KIAA0513: variants seen among roughly 807,000 people sequenced by gnomAD.
KIAA0513 encodes the protein KIAA0513.
A neutral mutation model predicts 56.5 loss-of-function variants in KIAA0513; 39 were observed. The ratio of observed to expected loss-of-function variants is 0.69; its 90% CI spans 0.53 to 0.90. The LOEUF is 0.90. KIAA0513 is among the 40% of genes least tolerant of loss of function. KIAA0513 has a pLI of 0.00. For missense variants in KIAA0513, 591 were observed against 535.2 expected (o/e 1.10, Z -1.03); for synonymous variants, 268 against 215.6 (o/e 1.24, Z -2.13).
At chr16:85,048,485 A>G (rs1567526252) in intron 1 of KIAA0513, among the ~76,000 whole-genome samples, 1 of 150,146 alleles carries the variant, frequency 6.7e-6, no homozygotes. Flanking sequence ...CTCAAAGCAG[A>G]TCTCTCTCTC....
In KIAA0513 at chr16:85,050,579, G is replaced by C. The variant is rs571462247; in HGVS notation, c.-172-16321G>C. Among the ~76,000 whole-genome samples the C allele has an allele frequency of 4.6e-5, 7 of 152,306 alleles. No individual in the cohort carries two copies. The South Asian group carries it at 1.4e-3, about 32-fold the overall frequency. On this transcript the variant is annotated intron_variant, in intron 1 of 12. Transcript: ENST00000683363. ...GATCCCCCTGCCTCGGCTTCCCAAA[G>C]TGCTAGGATTACAGGCGTGAGCCGC...
At chr16:85,047,448 G>T (rs147939090) in intron 1 of KIAA0513, among the ~76,000 whole-genome samples, 1 of 152,248 alleles carries the variant, frequency 6.6e-6, no homozygotes, top group South Asian at 2.1e-4. Flanking sequence ...GCTCTGCCAC[G>T]CTTCTCCCGT....
chr16:85,087,477 C>A (rs1051509019), intron 12 of KIAA0513, among the ~76,000 whole-genome samples: 15 of 152,208 alleles, frequency 9.9e-5, no homozygotes. Context: ...TTGCACGGAG[C>A]CAAACTCTGG....
At chr16:85,054,437 T>TTTG (rs1567529579) in intron 1 of KIAA0513, among the ~76,000 whole-genome samples, 21 of 141,822 alleles carry the variant, frequency 1.5e-4, no homozygotes, top group East Asian at 4.0e-4. Flanking sequence ...TTTTTTTTTT[T>TTTG]TTGTTGTTGT....
intron 2 of KIAA0513, among the ~76,000 whole-genome samples, chr16:85,069,494 G>A (rs1267825049): frequency 1.3e-5 from 2 of 152,042 alleles, no homozygotes; most frequent in Non-Finnish European, 2.9e-5. Flanking sequence ...GGGAGAGTTC[G>A]GGGCTGTGAC....
At chr16:85,082,379 G>A (rs1597645855) in intron 9 of KIAA0513, among the ~76,000 whole-genome samples, 185 bp from the exon 10 acceptor site, 2 of 152,034 alleles carry the variant, frequency 1.3e-5, no homozygotes, top group African/African-American at 4.8e-5. Flanking sequence ...CTAGGCAGAG[G>A]GGCGTTGCCT....
rs1472504201 is a variant in KIAA0513, at chr16:85,081,384, C to T, written c.972C>T (p.Pro324=). 3.2e-6 allele frequency: 5 copies of T among 1,566,668 alleles called. No homozygotes were observed. In the South Asian group the frequency reaches 4.7e-5, roughly 15 times the overall value. ...ATTGTGAGAGGACAAAGCGATCTCC[C>T]ACTACCAGGTAGGAGCAAAGTGTGG... ...AVHCERTKRS[P]TTRGDAGEEE... Residue 324 remains proline (P), a synonymous_variant, in exon 9 of 13, where the codon CCC becomes CCT. Coordinates refer to ENST00000683363, the MANE Select transcript of KIAA0513 (RefSeq NM_001388359.1). The surrounding 1 kb of genome is among the most constrained non-coding windows in gnomAD (Gnocchi z 4.4).
chr16:85,067,137 T>A lies in KIAA0513; in HGVS notation c.66T>A (p.Ser22=). The change falls in exon 2 of 13, where the codon TCT becomes TCA. Residue 22 remains serine, a synonymous_variant. Coordinates refer to ENST00000683363, the MANE Select transcript of KIAA0513 (RefSeq NM_001388359.1). ...TTGGGCCTGAGGCACCCACCTCTTC[T>A]CCCCTGGAGGCACCACCCCCTGTGC... ...IDFGPEAPTS[S]PLEAPPPVLQ... is the part of the protein sequence containing the mutation. The A allele has an allele frequency of 1.9e-6, 3 of 1,613,222 alleles. No individual in the cohort carries two copies. The highest frequency in any genetic ancestry group is 2.5e-6 in the Non-Finnish European group (3 of 1,179,472).
chr16:85,061,406 G>A (rs367594113), intron 1 of KIAA0513, among the ~76,000 whole-genome samples: 111 of 152,276 alleles, frequency 7.3e-4, no homozygotes, highest in Non-Finnish European at 1.0e-3. Context: ...TTCCTTGCCC[G>A]GTCTCTTCCT....
chr16:85,058,283 C>T (rs189952976), intron 1 of KIAA0513, among the ~76,000 whole-genome samples: 248 of 152,296 alleles, frequency 1.6e-3, no homozygotes, highest in African/African-American at 5.4e-3. Flanking sequence ...CACCTAGTAG[C>T]GGGATCCAGC....
At chr16:85,037,323 G>A (rs1046138915) in intron 1 of KIAA0513, among the ~76,000 whole-genome samples, 20 of 152,246 alleles carry the variant, frequency 1.3e-4, no homozygotes, top group African/African-American at 3.6e-4. Context: ...GAGTCAGTGC[G>A]TGTGGACGGC....
At chr16:85,075,779 T>A in intron 4 of KIAA0513, 65 bp from the exon 5 acceptor site, 1 of 1,454,116 alleles carries the variant, frequency 6.9e-7, no homozygotes, top group Non-Finnish European at 9.7e-7. Flanking sequence ...CAGTGATGTC[T>A]GACCGACTTG....
intron 4 of KIAA0513, among the ~76,000 whole-genome samples, chr16:85,073,962 G>GT (rs71151265): frequency 2.0e-5 from 3 of 150,562 alleles, no homozygotes; most frequent in South Asian, 2.1e-4. Context: ...TTTTTGTTTT[G>GT]TTTTGTTTTT....
intron 1 of KIAA0513, among the ~76,000 whole-genome samples, chr16:85,032,570 T>C (rs1221189266): frequency 6.6e-6 from 1 of 152,146 alleles, no homozygotes; most frequent in Non-Finnish European, 1.5e-5. Flanking sequence ...TGACCTCAAG[T>C]GATCCTCCTG....
intron 1 of KIAA0513, among the ~76,000 whole-genome samples, chr16:85,062,572 C>A (rs545284849): frequency 2.2e-4 from 34 of 152,230 alleles, no homozygotes; most frequent in Middle Eastern, 3.4e-3. Flanking sequence ...TCAGTACCTC[C>A]TTGAATGTAG....
chr16:85,055,027 G>A (rs1440121873), intron 1 of KIAA0513, among the ~76,000 whole-genome samples: 1 of 151,390 alleles, frequency 6.6e-6, no homozygotes, highest in Admixed American at 6.6e-5. Flanking sequence ...GACTCAAGCA[G>A]TCCTCCCACC....
chr16:85,049,831 G>A (rs1312139586), intron 1 of KIAA0513, among the ~76,000 whole-genome samples: 2 of 152,146 alleles, frequency 1.3e-5, no homozygotes, highest in African/African-American at 4.8e-5. Flanking sequence ...ACATTCATAA[G>A]GCCCGAGTCC....
At chr16:85,083,896 T>C (rs751701386) in intron 10 of KIAA0513, among the ~76,000 whole-genome samples, 2 of 152,070 alleles carry the variant, frequency 1.3e-5, no homozygotes, top group Admixed American at 6.6e-5. Context: ...GCCATTATCA[T>C]CCTCTCTGTG....
intron 1 of KIAA0513, among the ~76,000 whole-genome samples, chr16:85,065,644 A>T (rs1198095349): frequency 6.6e-6 from 1 of 152,212 alleles, no homozygotes; most frequent in Non-Finnish European, 1.5e-5. Context: ...TCCTCTGAAG[A>T]TGCGTTCAGT....
Sources: gnomAD v4.1 joint callset for allele counts (sites outside exome capture counted in the v4.1 genomes callset) on GRCh38, gnomAD v4.1.1 for gene constraint, Gnocchi (gnomAD v3.1) non-coding constraint, MANE v1.5 for transcripts, NCBI Gene and HGNC (gene_info 2026-07-23, HGNC 2026-07-21) for gene names.